The following BDNF variants were observed in gnomAD, a reference collection of about 807,000 sequenced individuals.
BDNF encodes the protein neurotrophic factor BDNF precursor form.
A neutral mutation model predicts 19.5 loss-of-function variants in BDNF; 1 was observed. The observed-to-expected ratio is 0.05, with a 90% CI of 0.02 to 0.24. The LOEUF (loss-of-function observed/expected upper bound fraction) is 0.24, where lower values mean the gene tolerates loss of function less well. Ranked by LOEUF, BDNF falls within the 10% of genes least tolerant of loss-of-function variation. BDNF has a pLI of 1.00. For synonymous variants in BDNF, 100 were observed against 121.6 expected (o/e 0.82, Z 1.17); for missense variants, 195 against 317.6 (o/e 0.61, Z 2.93).
intron 1 of BDNF, among the ~76,000 whole-genome samples, chr11:27,689,818 T>C (rs925162153): frequency 3.3e-4 from 50 of 152,154 alleles, no homozygotes; most frequent in African/African-American, 1.2e-3. Context: ...ATCACCTAGG[T>C]ATTAAGGCTC....
At chr11:27,692,591 C>T (rs968880509) in intron 1 of BDNF, among the ~76,000 whole-genome samples, 1 of 152,216 alleles carries the variant, frequency 6.6e-6, no homozygotes, top group Non-Finnish European at 1.5e-5. Flanking sequence ...GATCCTCCCA[C>T]CTCAGCCTCC....
intron 1 of BDNF, among the ~76,000 whole-genome samples, chr11:27,667,370 A>C (rs1213601769): frequency 6.6e-6 from 1 of 152,246 alleles, no homozygotes; most frequent in Non-Finnish European, 1.5e-5. Context: ...TAACGAGCAA[A>C]ATAACCAGCT....
At position 27,659,658 on chromosome 11, in the gene BDNF, C is replaced by T. The variant is rs879038881; in HGVS notation, c.-21-1073G>A. 9.0e-4 allele frequency: 886 copies of T among 981,330 alleles called. 1 individual carries two copies. Among genetic ancestry groups the T allele is most frequent in the Middle Eastern group, 8.6e-3 (16 of 1,858 alleles). 60.8% of individuals were successfully genotyped at this position (981,330 alleles called of 1,614,324 possible). A position where few individuals can be genotyped will look rare whatever the true frequency, so the allele number is the denominator to read the frequency against. ...GTGTGTGTGTGTGTGTGCGCGCGCG[C>T]GTGTGCGCGCGCTCTGAGTTTATCC... On this transcript the variant is annotated intron_variant, in intron 1 of 1. Coordinates refer to ENST00000356660, the MANE Select transcript of BDNF (RefSeq NM_001709.5).
intron 1 of BDNF, among the ~76,000 whole-genome samples, chr11:27,688,076 G>A (rs1857729210): frequency 6.6e-6 from 1 of 152,204 alleles, no homozygotes; most frequent in Non-Finnish European, 1.5e-5. Context: ...CCTGACTGGG[G>A]CTGCTGCCTT....
At chr11:27,699,635 C>A in intron 1 of BDNF, 1 of 1,440,892 alleles carries the variant, frequency 6.9e-7, no homozygotes, top group Non-Finnish European at 9.1e-7. Context: ...AAGTCCACTT[C>A]AGTCTCAATT....
intron 1 of BDNF, chr11:27,677,066 T>C (rs1449132749): frequency 6.6e-6 from 1 of 152,224 alleles, no homozygotes. Flanking sequence ...AGGCAGCGTT[T>C]CCACTGGAAC....
chr11:27,670,750 G>A (rs116590817), intron 1 of BDNF, among the ~76,000 whole-genome samples: 4,497 of 152,084 alleles, frequency 0.03, 150 homozygotes, highest in African/African-American at 0.077. Flanking sequence ...ATTAAAGTCC[G>A]GAAACAACAG....
At chr11:27,700,700 T>A, upstream of BDNF, 3 of 1,160,754 alleles carry the variant, frequency 2.6e-6, no homozygotes, top group Non-Finnish European at 3.2e-6. Flanking sequence ...CCCCGCGACA[T>A]CGCCCTGCGA....
At chr11:27,705,873 A>T (rs760672979) in intron 1 of BDNF, among the ~76,000 whole-genome samples, 14 of 152,252 alleles carry the variant, frequency 9.2e-5, no homozygotes, top group Non-Finnish European at 1.3e-4. Context: ...CTATGGGCTG[A>T]TACAGGCAGA....
chr11:27,693,806 G>A (rs973675928), intron 1 of BDNF, among the ~76,000 whole-genome samples: 8 of 152,196 alleles, frequency 5.3e-5, no homozygotes, highest in African/African-American at 1.7e-4. Flanking sequence ...GGCACATGAA[G>A]GCAGAAAGAA....
chr11:27,661,447 C>T (rs1853430673), intron 1 of BDNF, among the ~76,000 whole-genome samples: 1 of 152,120 alleles, frequency 6.6e-6, no homozygotes, highest in Admixed American at 6.5e-5. Flanking sequence ...TTAATTTTTC[C>T]TTTAAAATAT....
At chr11:27,659,629 CTGTGTG>C (rs55917552) in intron 1 of BDNF, 9 of 982,710 alleles carry the variant, frequency 9.2e-6, no homozygotes, top group Admixed American at 6.2e-5. Flanking sequence ...GATGTTCTCT[CTGTGTG>C]TGTGTGTGTG....
intron 1 of BDNF, among the ~76,000 whole-genome samples, chr11:27,669,215 GC>G (rs1564954908): frequency 6.6e-6 from 1 of 152,126 alleles, no homozygotes; most frequent in Non-Finnish European, 1.5e-5. Flanking sequence ...CAGCCTTTGT[GC>G]TAAAAACTCT....
intron 1 of BDNF, among the ~76,000 whole-genome samples, chr11:27,688,268 T>C (rs546644016): frequency 3.0e-4 from 45 of 152,314 alleles, no homozygotes; most frequent in African/African-American, 1.0e-3. Context: ...CCGACCAAGC[T>C]GGAGCATCCC....
rs576816937 is a variant in BDNF, at chr11:27,718,361, C to A, written c.3+3051G>T. 6.9e-5 allele frequency among the ~76,000 whole-genome samples: 10 copies of A among 144,160 alleles called. 1 individual carries two copies. The highest frequency in any genetic ancestry group is 1.2e-4 in the African/African-American group (5 of 40,240). The allele number at this position is 144,160 out of a possible 152,430, so 94.6% of individuals were successfully genotyped here. On this transcript the variant is annotated intron_variant, in intron 1 of 1. Coordinates refer to the BDNF transcript ENST00000314915. Reference sequence around the variant, plus strand: ...TTCCCCGTTCCGCACACCACCCCCCCCCGCCCCTCCCGGGATTTTGCAATA... The same window carrying A: ...TTCCCCGTTCCGCACACCACCCCCCACCGCCCCTCCCGGGATTTTGCAATA...
At chr11:27,667,822 A>G (rs1353182431) in intron 1 of BDNF, among the ~76,000 whole-genome samples, 1 of 152,208 alleles carries the variant, frequency 6.6e-6, no homozygotes, top group African/African-American at 2.4e-5. Flanking sequence ...ATAATGGGAG[A>G]CTTTATCACC....
chr11:27,657,536 T>A lies in BDNF; in HGVS notation c.*285A>T. Reference sequence around the variant, plus strand: ...TTAAAGCAGCATGCAATTTATTATTTTTTTTAACTTTTTATGTTTTCAGTT... The same window carrying A: ...TTAAAGCAGCATGCAATTTATTATTATTTTTAACTTTTTATGTTTTCAGTT... On this transcript the variant is annotated 3_prime_UTR_variant, in exon 2 of 2. Coordinates refer to ENST00000356660, the MANE Select transcript of BDNF (RefSeq NM_001709.5). The surrounding 1 kb of genome is among the most constrained non-coding windows in gnomAD (Gnocchi z 5.0). 2.6e-6 allele frequency: 3 copies of A among 1,164,220 alleles called. No individual in the cohort carries two copies. The highest frequency in any genetic ancestry group is 3.2e-6 in the Non-Finnish European group (3 of 941,878). 72.1% of individuals were successfully genotyped at this position (1,164,220 alleles called of 1,614,324 possible).
At chr11:27,703,454 TG>T (rs1231452805), upstream of BDNF, among the ~76,000 whole-genome samples, 2 of 152,204 alleles carry the variant, frequency 1.3e-5, no homozygotes, top group African/African-American at 4.8e-5. Flanking sequence ...AAAAAATACC[TG>T]GCAAGTTAAT....
chr11:27,717,956 T>TA (rs1860578504), intron 1 of BDNF, among the ~76,000 whole-genome samples: 1 of 151,976 alleles, frequency 6.6e-6, no homozygotes, highest in South Asian at 2.1e-4. Context: ...TTACAAGACT[T>TA]AGACTGTTAA....
Sources: allele counts gnomAD v4.1 joint callset (sites outside exome capture counted in the v4.1 genomes callset), GRCh38; gene constraint gnomAD v4.1.1; non-coding constraint Gnocchi (gnomAD v3.1); transcripts MANE v1.5; gene names NCBI Gene and HGNC (gene_info 2026-07-23, HGNC 2026-07-21).